The following ADI1 variants were observed in gnomAD, a reference collection of about 807,000 sequenced individuals.
The protein encoded by ADI1 is acireductone dioxygenase 1.
In ADI1, 21 loss-of-function variants were observed where a neutral mutation model predicts 18.7. The observed-to-expected ratio is 1.13, with a 90% CI of 0.80 to 1.62. The LOEUF (loss-of-function observed/expected upper bound fraction) is 1.62. ADI1 is among the 40% of genes most tolerant of loss of function. The pLI is 0.00. For missense variants in ADI1, 245 were observed against 254.9 expected (o/e 0.96, Z 0.26); for synonymous variants, 90 against 100.1 (o/e 0.90, Z 0.60).
intron 2 of ADI1, among the ~76,000 whole-genome samples, chr2:3,504,867 T>C (rs1478615866): frequency 2.6e-5 from 4 of 152,106 alleles, no homozygotes; most frequent in South Asian, 2.1e-4. Flanking sequence ...CTGCGTATGT[T>C]TGTATTGTCG....
intron 3 of ADI1, chr2:3,500,497 G>C: frequency 2.0e-6 from 1 of 489,714 alleles, no homozygotes; most frequent in Non-Finnish European, 3.7e-6. Context: ...GCAAGGGCTG[G>C]GGCAGGGCCA....
intron 2 of ADI1, 91 bp downstream of exon 2, chr2:3,513,766 A>T: frequency 7.3e-7 from 1 of 1,375,274 alleles, no homozygotes; most frequent in South Asian, 1.6e-5. Context: ...GGCCTCATAC[A>T]GACATTAAAA....
rs1467037234 is a variant in ADI1 at position 3,500,942 on chromosome 2, T to C, written c.292A>G (p.Ile98Val). The change falls in exon 3 of 4, where the codon ATC becomes GTC. Residue 98 changes from isoleucine (I) to valine (V), a missense_variant. Transcript: ENST00000327435. ...TCGAAGTACCCACTGCCATCCAGGA[T>C]GTAGCGGATCTCATCGTCCAAGTGC... ...HLHLDDEIRY[I>V]LDGSGYFDVR... The C allele has an allele frequency of 6.2e-7, 1 of 1,613,938 alleles. No individual in the cohort carries two copies. The highest frequency in any genetic ancestry group is 1.7e-5 in the Admixed American group (1 of 59,996).
chr2:3,502,869 C>G (rs944690764), intron 2 of ADI1, among the ~76,000 whole-genome samples: 20 of 152,210 alleles, frequency 1.3e-4, no homozygotes, highest in African/African-American at 4.8e-4. Context: ...GGTCTGGGTG[C>G]TGCCATGCTG....
chr2:3,516,603 G>A (rs1667415211), intron 1 of ADI1: 1 of 515,412 alleles, frequency 1.9e-6, no homozygotes, highest in Non-Finnish European at 2.5e-6. Context: ...CACTAAATCT[G>A]CTGGCACCTT....
At chr2:3,512,782 C>T (rs1240096326) in intron 2 of ADI1, among the ~76,000 whole-genome samples, 2 of 152,198 alleles carry the variant, frequency 1.3e-5, no homozygotes, top group African/African-American at 4.8e-5. Context: ...CCCACTGGGG[C>T]ACTGCCTAGG....
chr2:3,510,235 A>C (rs1221468514), intron 2 of ADI1, among the ~76,000 whole-genome samples: 2 of 152,210 alleles, frequency 1.3e-5, no homozygotes, highest in East Asian at 3.9e-4. Context: ...GGACTGCTTA[A>C]GCCTAGGCAT....
At chr2:3,500,004 G>T (rs901232251) in intron 3 of ADI1, among the ~76,000 whole-genome samples, 1 of 151,514 alleles carries the variant, frequency 6.6e-6, no homozygotes, top group East Asian at 1.9e-4. Context: ...GGTGGAGGTT[G>T]CATTGAGCCG....
At chr2:3,502,813 C>T (rs986225214) in intron 2 of ADI1, among the ~76,000 whole-genome samples, 2 of 152,030 alleles carry the variant, frequency 1.3e-5, no homozygotes, top group African/African-American at 2.4e-5. Context: ...ACAGAAAAAC[C>T]GCAACCCAAG....
At chr2:3,500,100 T>G (rs1353819384) in intron 3 of ADI1, among the ~76,000 whole-genome samples, 1 of 150,768 alleles carries the variant, frequency 6.6e-6, no homozygotes, top group East Asian at 1.9e-4. Flanking sequence ...CTGACTGACA[T>G]GCACTTGGAT....
At chr2:3,512,229 A>G (rs1004149949) in intron 2 of ADI1, among the ~76,000 whole-genome samples, 1 of 152,264 alleles carries the variant, frequency 6.6e-6, no homozygotes, top group Admixed American at 6.5e-5. Flanking sequence ...AAAGAAGCCA[A>G]GGGCTGACAG....
chr2:3,516,076 A>T, intron 1 of ADI1: 1 of 974,640 alleles, frequency 1.0e-6, no homozygotes, highest in African/African-American at 1.8e-5. Flanking sequence ...TCATAAGTTT[A>T]AATATACGAA....
rs1345226129 is a variant in ADI1, at chr2:3,497,413, C to A, written c.*1550G>T. 6.6e-6 allele frequency: 1 copy of A among 152,158 alleles called. No individual in the cohort carries two copies. Among genetic ancestry groups the A allele is most frequent in the Admixed American group, 6.5e-5 (1 of 15,278 alleles). The allele number at this position is 152,158 out of a possible 1,614,324, so 9.4% of individuals were successfully genotyped here. On this transcript the variant is annotated 3_prime_UTR_variant, in exon 4 of 4. Transcript: ENST00000327435. ...TATATAAATGACACCTCAATAAAAA[C>A]GAAAGATGTGAGCAACATCCTGGGA...
At chr2:3,513,736 AT>A in intron 2 of ADI1, 120 bp downstream of exon 2, 1 of 1,103,016 alleles carries the variant, frequency 9.1e-7, no homozygotes, top group African/African-American at 1.6e-5. Context: ...TCAGGTATTT[AT>A]TTATAGCAAA....
intron 2 of ADI1, among the ~76,000 whole-genome samples, chr2:3,502,992 A>G (rs1667061212): frequency 1.3e-5 from 2 of 152,134 alleles, no homozygotes; most frequent in South Asian, 4.1e-4. Flanking sequence ...AGGAAGGCAA[A>G]GGAAAGCCCT....
At chr2:3,502,450 C>CTTT (rs35773710) in intron 2 of ADI1, among the ~76,000 whole-genome samples, 1 of 130,770 alleles carries the variant, frequency 7.6e-6, no homozygotes, top group Non-Finnish European at 1.6e-5. Flanking sequence ...GGAAATAGCT[C>CTTT]TTTTTTTTTT....
At chr2:3,510,466 T>A (rs992810750) in intron 2 of ADI1, among the ~76,000 whole-genome samples, 1 of 151,720 alleles carries the variant, frequency 6.6e-6, no homozygotes, top group South Asian at 2.1e-4. Context: ...CAGAATCCAA[T>A]GAAACAAAAA....
At position 3,503,376 on chromosome 2, in the gene ADI1, T is replaced by C. The variant is rs902357974; in HGVS notation, c.241-2383A>G. On this transcript the variant is annotated intron_variant, in intron 2 of 3. Transcript: ENST00000327435. ...ACGCACATTCACACACATGCACACA[T>C]ACACACGTACTCACACGCACATTCA... Among the ~76,000 whole-genome samples, 10 of 44,340 alleles carry C rather than the reference T, an allele frequency of 2.3e-4. 2 individuals carry two copies. The highest frequency in any genetic ancestry group is 1.2e-3 in the African/African-American group (2 of 1,682). 29.1% of individuals were successfully genotyped at this position (44,340 alleles called of 152,430 possible).
chr2:3,505,283 C>A, intron 2 of ADI1, among the ~76,000 whole-genome samples: 1 of 152,022 alleles, frequency 6.6e-6, no homozygotes, highest in East Asian at 1.9e-4. Context: ...GCCCCTCACA[C>A]TGGAGAGACA....
Sources: allele counts gnomAD v4.1 joint callset (sites outside exome capture counted in the v4.1 genomes callset), GRCh38; gene constraint gnomAD v4.1.1; transcripts MANE v1.5; gene names NCBI Gene and HGNC (gene_info 2026-07-23, HGNC 2026-07-21).